ZNF521: variants seen among roughly 807,000 people sequenced by gnomAD.
The protein encoded by ZNF521 is LYST-interacting protein 3.
A neutral mutation model predicts 105.5 loss-of-function variants in ZNF521; 14 were observed. The observed-to-expected ratio is 0.13, with a 90% CI of 0.09 to 0.21. The LOEUF (loss-of-function observed/expected upper bound fraction) is 0.21, where lower values mean the gene tolerates loss of function less well. Among genes scored for constraint, ZNF521 ranks in the 10% least tolerant of loss-of-function variants. The pLI is 1.00. For missense variants in ZNF521, 1,233 were observed against 1,629.7 expected (o/e 0.76, Z 4.19); for synonymous variants, 635 against 606.0 (o/e 1.05, Z -0.70).
At chr18:25,117,369 C>T (rs535366088) in intron 5 of ZNF521, among the ~76,000 whole-genome samples, 2 of 152,060 alleles carry the variant, frequency 1.3e-5, no homozygotes, top group East Asian at 1.9e-4. Context: ...CAGAATCCAT[C>T]GTATCCACAA....
At position 25,062,665 on chromosome 18, in the gene ZNF521, C is replaced by T; in HGVS notation, c.*47G>A. The stretch of plus-strand genomic sequence containing the variant: ...TTCGTGCAAAGAGTAAAACATGTTC[C>T]CTTTTTGTGCCACAAAATCAATTCT... On this transcript the variant is annotated 3_prime_UTR_variant, in exon 8 of 8. Transcript: ENST00000361524. 6.5e-7 allele frequency: 1 copy of T among 1,545,740 alleles called. No homozygotes were observed. The highest frequency in any genetic ancestry group is 8.7e-7 in the Non-Finnish European group (1 of 1,148,732).
chr18:25,238,245 C>G (rs1907059443), intron 3 of ZNF521, among the ~76,000 whole-genome samples: 1 of 152,128 alleles, frequency 6.6e-6, no homozygotes. Context: ...TAGTGTTTCT[C>G]TTTTAAAAAA....
At chr18:25,197,140 T>A (rs1305253520) in intron 4 of ZNF521, among the ~76,000 whole-genome samples, 2 of 151,872 alleles carry the variant, frequency 1.3e-5, no homozygotes, top group African/African-American at 2.4e-5. Flanking sequence ...TATCATTGAA[T>A]GAAAATGCTT....
chr18:25,314,067 AAATT>A (rs1436584666), intron 3 of ZNF521, among the ~76,000 whole-genome samples: 2 of 152,126 alleles, frequency 1.3e-5, no homozygotes, highest in South Asian at 2.1e-4. Context: ...ATTAATATAG[AAATT>A]AATATAGAAA....
At chr18:25,238,356 C>T (rs1164585687) in intron 3 of ZNF521, among the ~76,000 whole-genome samples, 6 of 152,170 alleles carry the variant, frequency 3.9e-5, no homozygotes, top group Non-Finnish European at 7.4e-5. Flanking sequence ...ACTCTACAAA[C>T]CTATAACTCT....
chr18:25,350,805 ACTCACG>A (rs1914715167), intron 2 of ZNF521, 96 bp downstream of exon 2: 2 of 1,334,986 alleles, frequency 1.5e-6, no homozygotes, highest in Admixed American at 4.7e-5. Flanking sequence ...TCACACTCAC[ACTCACG>A]CGCGCACACG....
chr18:25,323,070 C>T (rs1461376225), intron 2 of ZNF521, among the ~76,000 whole-genome samples: 1 of 151,672 alleles, frequency 6.6e-6, no homozygotes, highest in East Asian at 1.9e-4. Context: ...GAGTCATTTC[C>T]TCCCAAAGAG....
Position 25,284,144 on chromosome 18 carries a change from G to A in ZNF521, c.220+37864C>T, listed in dbSNP as rs1910550808. Among the ~76,000 whole-genome samples, 3 of 152,086 alleles carry A rather than the reference G, an allele frequency of 2.0e-5. No individual in the cohort carries two copies. The South Asian group carries it at 6.2e-4, about 32-fold the overall frequency. ...TGACATGGTGTCAAAAGACAGCCAAGGAAAGATCTAGAAAAGTGCACACAC... is the reference window on the plus strand; with the variant it reads ...TGACATGGTGTCAAAAGACAGCCAAAGAAAGATCTAGAAAAGTGCACACAC... On this transcript the variant is annotated intron_variant, in intron 3 of 7. Transcript: ENST00000361524.
chr18:25,172,435 C>T (rs952981492), intron 5 of ZNF521, among the ~76,000 whole-genome samples: 1 of 152,134 alleles, frequency 6.6e-6, no homozygotes, highest in African/African-American at 2.4e-5. Flanking sequence ...CAGTCATGAC[C>T]TCTATGCTTT....
chr18:25,110,182 G>A (rs1369030629), intron 5 of ZNF521, among the ~76,000 whole-genome samples: 1 of 152,196 alleles, frequency 6.6e-6, no homozygotes, highest in African/African-American at 2.4e-5. Flanking sequence ...TCTACAGTCA[G>A]TTCTGTCAGC....
chr18:25,338,231 T>C (rs1913997234), intron 2 of ZNF521, among the ~76,000 whole-genome samples: 1 of 145,828 alleles, frequency 6.9e-6, no homozygotes, highest in African/African-American at 2.5e-5. Flanking sequence ...TGGTTAGGGG[T>C]TGAATTCAAA....
chr18:25,262,472 A>G (rs1381262788), intron 3 of ZNF521, among the ~76,000 whole-genome samples: 1 of 152,224 alleles, frequency 6.6e-6, no homozygotes, highest in Non-Finnish European at 1.5e-5. Flanking sequence ...ACATCTGGGA[A>G]GATTAACTAT....
At chr18:25,130,134 A>C (rs1169205477) in intron 5 of ZNF521, among the ~76,000 whole-genome samples, 1 of 152,156 alleles carries the variant, frequency 6.6e-6, no homozygotes, top group Admixed American at 6.6e-5. Flanking sequence ...GTGGTATGCC[A>C]ATTTAATGGA....
intron 3 of ZNF521, among the ~76,000 whole-genome samples, chr18:25,281,858 G>A (rs1266435733): frequency 1.3e-5 from 2 of 151,990 alleles, no homozygotes; most frequent in African/African-American, 4.8e-5. Context: ...TAAAGCATGC[G>A]GTCAAAAATA....
At chr18:25,095,715 T>C (rs2033838297) in intron 5 of ZNF521, among the ~76,000 whole-genome samples, 1 of 152,186 alleles carries the variant, frequency 6.6e-6, no homozygotes, top group Non-Finnish European at 1.5e-5. Flanking sequence ...AGCAATATTA[T>C]GAAGTCTAGA....
chr18:25,309,486 G>T (rs1425745522), intron 3 of ZNF521, among the ~76,000 whole-genome samples: 2 of 152,128 alleles, frequency 1.3e-5, no homozygotes, highest in South Asian at 2.1e-4. Flanking sequence ...GAACAAAGGA[G>T]CAACTCAAAT....
intron 2 of ZNF521, among the ~76,000 whole-genome samples, chr18:25,341,885 C>G (rs1268325135): frequency 6.6e-6 from 1 of 152,190 alleles, no homozygotes; most frequent in African/African-American, 2.4e-5. Flanking sequence ...TGGTTCACAG[C>G]TGAATCCTCA....
intron 4 of ZNF521, among the ~76,000 whole-genome samples, chr18:25,203,146 C>A (rs532784415): frequency 6.6e-6 from 1 of 152,120 alleles, no homozygotes; most frequent in Non-Finnish European, 1.5e-5. Context: ...AGTATTTTGC[C>A]TAAATGACAT....
intron 2 of ZNF521, among the ~76,000 whole-genome samples, chr18:25,323,315 T>A (rs868133480): frequency 3.3e-5 from 5 of 152,250 alleles, no homozygotes; most frequent in South Asian, 2.1e-4. Context: ...AATAACTGTA[T>A]CAAGATACCT....
Sources: allele counts gnomAD v4.1 joint callset (sites outside exome capture counted in the v4.1 genomes callset), GRCh38; gene constraint gnomAD v4.1.1; transcripts MANE v1.5; gene names NCBI Gene and HGNC (gene_info 2026-07-23, HGNC 2026-07-21).